NEK10: variants seen among roughly 807,000 people sequenced by gnomAD.
The protein encoded by NEK10 is NIMA related kinase 10, also known as serine/threonine-protein kinase Nek10.
Under a neutral mutation model 159.8 loss-of-function variants are expected in NEK10, and 122 were observed. The observed-to-expected ratio is 0.76, with a 90% CI of 0.66 to 0.89. The LOEUF is 0.89. NEK10 is among the 40% of genes least tolerant of loss of function. The probability of loss-of-function intolerance (pLI) is 0.00; values close to 1 mark genes in which losing one functional copy is unlikely to be tolerated. For synonymous variants in NEK10, 466 were observed against 457.1 expected, an observed-to-expected ratio of 1.02 and a Z score of -0.25; for missense variants, 1,342 against 1,323.1, an observed-to-expected ratio of 1.01 and a Z score of -0.22.
intron 32 of NEK10, among the ~76,000 whole-genome samples, chr3:27,125,640 T>A (rs1941854896): frequency 6.6e-6 from 1 of 152,190 alleles, no homozygotes; most frequent in Non-Finnish European, 1.5e-5. Flanking sequence ...GTATTCCTAC[T>A]TACTATTTTC....
chr3:27,146,518 T>A (rs760027617), intron 30 of NEK10, among the ~76,000 whole-genome samples: 11 of 152,238 alleles, frequency 7.2e-5, no homozygotes, highest in Non-Finnish European at 1.3e-4. Flanking sequence ...TGAGCTTCTC[T>A]ATATTGGACC....
intron 6 of NEK10, among the ~76,000 whole-genome samples, chr3:27,316,361 A>T (rs61116277): frequency 0.085 from 12,963 of 152,224 alleles, 1,164 homozygotes; most frequent in African/African-American, 0.23. Context: ...AGCAAAGTCA[A>T]AGACATCAGT....
At position 27,107,338 on chromosome 3, in the gene NEK10, T is replaced by C. The variant is rs1339034460; in HGVS notation, c.*3934A>G. The stretch of plus-strand genomic sequence containing the variant: ...ACTATAATCAACCACAACAGTCATA[T>C]TTACAATATGCAATTTACTGTAATG... On this transcript the variant is annotated 3_prime_UTR_variant, in exon 36 of 36. Coordinates refer to ENST00000691995, the MANE Select transcript of NEK10 (RefSeq NM_001394966.1). Among the ~76,000 whole-genome samples the C allele has an allele frequency of 6.6e-6, 1 of 152,188 alleles. No individual in the cohort carries two copies. Among genetic ancestry groups the C allele is most frequent in the Non-Finnish European group, 1.5e-5 (1 of 68,042 alleles).
intron 23 of NEK10, among the ~76,000 whole-genome samples, chr3:27,223,623 G>A (rs537162100): frequency 3.3e-5 from 5 of 151,960 alleles, no homozygotes; most frequent in African/African-American, 1.2e-4. Context: ...TGAACTTCCT[G>A]TCTGCCTACT....
At chr3:27,334,319 C>T (rs2046641098) in intron 5 of NEK10, among the ~76,000 whole-genome samples, 1 of 152,194 alleles carries the variant, frequency 6.6e-6, no homozygotes, top group Non-Finnish European at 1.5e-5. Flanking sequence ...CCTACAACTG[C>T]CACTACCATC....
intron 5 of NEK10, among the ~76,000 whole-genome samples, chr3:27,331,844 A>G (rs2046443114): frequency 6.6e-6 from 1 of 152,214 alleles, no homozygotes; most frequent in South Asian, 2.1e-4. Context: ...TAGACTTCCT[A>G]CAGACTCATT....
At chr3:27,200,830 A>G (rs1352682512) in intron 25 of NEK10, among the ~76,000 whole-genome samples, 2 of 152,120 alleles carry the variant, frequency 1.3e-5, no homozygotes, top group Non-Finnish European at 2.9e-5. Flanking sequence ...TATCTGAGGA[A>G]AGAGAGTTCT....
intron 5 of NEK10, among the ~76,000 whole-genome samples, chr3:27,332,321 T>C (rs375191426): frequency 2.0e-5 from 3 of 152,244 alleles, no homozygotes; most frequent in Non-Finnish European, 2.9e-5. Flanking sequence ...AATATTCATA[T>C]AACATGATCC....
At chr3:27,239,990 A>G (rs1954370911) in intron 23 of NEK10, among the ~76,000 whole-genome samples, 1 of 152,230 alleles carries the variant, frequency 6.6e-6, no homozygotes, top group Admixed American at 6.5e-5. Flanking sequence ...GTAAAAAATG[A>G]AATAGATGAG....
intron 22 of NEK10, among the ~76,000 whole-genome samples, chr3:27,260,767 T>TA (rs992096383): frequency 1.3e-5 from 2 of 152,220 alleles, no homozygotes; most frequent in Non-Finnish European, 2.9e-5. Context: ...CTCTTTTTTT[T>TA]ATTGATTGGA....
Position 27,174,631 on chromosome 3 carries a change from A to T in NEK10, c.2689+19T>A. 1 of 1,603,198 alleles carries T rather than the reference A, an allele frequency of 6.2e-7. No homozygotes were observed. Among genetic ancestry groups the T allele is most frequent in the Non-Finnish European group, 8.5e-7 (1 of 1,174,802 alleles). On this transcript the variant is annotated intron_variant, in intron 27 of 35. Coordinates refer to ENST00000691995, the MANE Select transcript of NEK10 (RefSeq NM_001394966.1). ...TGCCACTAGCAGTACCTACGTTGAC[A>T]CACTGCCACTAGCAGTACCTTTCTC... is the stretch of plus-strand genomic sequence containing the variant.
chr3:27,343,798 A>T (rs773603809), intron 5 of NEK10, among the ~76,000 whole-genome samples: 2 of 152,210 alleles, frequency 1.3e-5, no homozygotes, highest in Non-Finnish European at 2.9e-5. Context: ...TTAAGAAGGC[A>T]AAGAAAGGAA....
intron 30 of NEK10, among the ~76,000 whole-genome samples, chr3:27,154,667 T>C (rs969111424): frequency 1.3e-5 from 2 of 152,258 alleles, no homozygotes; most frequent in South Asian, 4.2e-4. Context: ...AAATGTGATA[T>C]ACCACATAAA....
chr3:27,308,320 T>C (rs1383415766), intron 10 of NEK10, among the ~76,000 whole-genome samples: 3 of 152,146 alleles, frequency 2.0e-5, no homozygotes, highest in Non-Finnish European at 4.4e-5. Context: ...GAGGGAATTA[T>C]GGGGATTACA....
intron 23 of NEK10, among the ~76,000 whole-genome samples, chr3:27,247,650 C>T (rs147550542): frequency 2.2e-4 from 33 of 152,212 alleles, no homozygotes; most frequent in Middle Eastern, 3.4e-3. Flanking sequence ...TTCCTCCCGC[C>T]TCAGCCTTCC....
chr3:27,316,322 G>A (rs1249804082), intron 6 of NEK10, among the ~76,000 whole-genome samples: 2 of 152,250 alleles, frequency 1.3e-5, no homozygotes, highest in South Asian at 2.1e-4. Context: ...TATGATCAAC[G>A]GAACATGAAG....
intron 30 of NEK10, among the ~76,000 whole-genome samples, chr3:27,147,474 A>G (rs1409609156): frequency 6.6e-6 from 1 of 152,240 alleles, no homozygotes; most frequent in African/African-American, 2.4e-5. Context: ...CAGGAAGCTG[A>G]GTCAAAGCAT....
chr3:27,355,889 C>T (rs2048293693), intron 1 of NEK10, among the ~76,000 whole-genome samples: 1 of 152,178 alleles, frequency 6.6e-6, no homozygotes, highest in South Asian at 2.1e-4. Context: ...AACCCACGAA[C>T]ATGCCAAATG....
chr3:27,232,814 G>C (rs987255787), intron 23 of NEK10, among the ~76,000 whole-genome samples: 2 of 151,994 alleles, frequency 1.3e-5, no homozygotes, highest in African/African-American at 2.4e-5. Flanking sequence ...TTGGGGGAAA[G>C]GATACACTAT....
Sources: allele counts gnomAD v4.1 joint callset (sites outside exome capture counted in the v4.1 genomes callset), GRCh38; gene constraint gnomAD v4.1.1; transcripts MANE v1.5; gene names NCBI Gene and HGNC (gene_info 2026-07-23, HGNC 2026-07-21).